Variants in CRACDL observed in about 807,000 individuals in gnomAD.
The protein encoded by CRACDL is CRACD like, also known as CRACD-like protein.
In CRACDL, 26 loss-of-function variants were observed where a neutral mutation model predicts 70.6. The ratio of observed to expected loss-of-function variants is 0.37; its 90% CI spans 0.27 to 0.51. The LOEUF (loss-of-function observed/expected upper bound fraction) is 0.51, where lower values mean the gene tolerates loss of function less well. CRACDL is among the 20% of genes least tolerant of loss of function. The pLI is 0.94. For synonymous variants in CRACDL, 618 were observed against 615.2 expected, an observed-to-expected ratio of 1.00 and a Z score of -0.07; for missense variants, 1,283 against 1,376.9, an observed-to-expected ratio of 0.93 and a Z score of 1.08.
intron 1 of CRACDL, among the ~76,000 whole-genome samples, chr2:98,878,390 C>T (rs1469261055): frequency 2.6e-5 from 4 of 152,176 alleles, no homozygotes; most frequent in African/African-American, 9.7e-5. Flanking sequence ...CAATTGCCTA[C>T]AGTGTTCAGT....
chr2:98,809,517 A>G (rs1704464361), intron 7 of CRACDL, among the ~76,000 whole-genome samples: 1 of 152,130 alleles, frequency 6.6e-6, no homozygotes, highest in South Asian at 2.1e-4. Context: ...GTCCCATGGA[A>G]GCCACCCTTG....
chr2:98,911,175 G>A (rs938538573), intron 1 of CRACDL, among the ~76,000 whole-genome samples: 1 of 152,202 alleles, frequency 6.6e-6, no homozygotes, highest in African/African-American at 2.4e-5. Flanking sequence ...TGGGCCTCAA[G>A]TATCTCGTCC....
At chr2:98,798,899 G>C (rs745383835) in intron 7 of CRACDL, among the ~76,000 whole-genome samples, 1 of 152,004 alleles carries the variant, frequency 6.6e-6, no homozygotes, top group South Asian at 2.1e-4. Context: ...GCCCAGGCTG[G>C]TCTCGAACTC....
At position 98,889,404 on chromosome 2, in the gene CRACDL, T is replaced by C. The variant is rs557705662; in HGVS notation, c.-10-42594A>G. Among the ~76,000 whole-genome samples, 8 of 151,966 alleles carry C rather than the reference T, an allele frequency of 5.3e-5. No homozygotes were observed. The East Asian group carries it at 1.5e-3, about 29-fold the overall frequency. Reference sequence around the variant, plus strand: ...CTAATAACAGAAAAAATATTGTCTGTTTAAGATAAAAATTACTACAGACAA... The same window carrying C: ...CTAATAACAGAAAAAATATTGTCTGCTTAAGATAAAAATTACTACAGACAA... On this transcript the variant is annotated intron_variant, in intron 1 of 9. Transcript: ENST00000397899.
chr2:98,840,487 T>A (rs984505886), intron 2 of CRACDL, among the ~76,000 whole-genome samples: 2 of 152,210 alleles, frequency 1.3e-5, no homozygotes, highest in African/African-American at 4.8e-5. Context: ...GTTCTACATA[T>A]GTCAATTAGA....
intron 5 of CRACDL, among the ~76,000 whole-genome samples, chr2:98,831,732 G>A (rs530112382): frequency 1.3e-5 from 2 of 152,290 alleles, no homozygotes; most frequent in South Asian, 2.1e-4. Context: ...GAAAGAGCTC[G>A]TGCTCTTTTC....
At chr2:98,882,218 A>G (rs555094188) in intron 1 of CRACDL, among the ~76,000 whole-genome samples, 34 of 152,326 alleles carry the variant, frequency 2.2e-4, no homozygotes, top group Non-Finnish European at 3.8e-4. Context: ...CAGCAGCTCT[A>G]CTCAGGGCAC....
rs569253960 is a variant in CRACDL at position 98,869,898 on chromosome 2, CA to C, written c.-10-23089del. Among the ~76,000 whole-genome samples the C allele has an allele frequency of 1.5e-4, 23 of 152,276 alleles. No homozygotes were observed. In the South Asian group the frequency reaches 4.6e-3, roughly 30 times the overall value. On this transcript the variant is annotated intron_variant, in intron 1 of 9. Coordinates refer to ENST00000397899, the MANE Select transcript of CRACDL (RefSeq NM_207362.3). ...TCCTTTACCAGGGACCTGCTTGCCC[CA>C]CTCATTGTTGCACTGATGGGATTTC... is the stretch of plus-strand genomic sequence containing the variant.
chr2:98,846,844 A>C, intron 1 of CRACDL, 34 bp from the exon 2 acceptor site: 3 of 1,564,844 alleles, frequency 1.9e-6, no homozygotes, highest in Non-Finnish European at 2.6e-6. Flanking sequence ...TTAAAGAAAC[A>C]TGGTTAGCAG....
At chr2:98,911,956 C>T (rs536139146) in intron 1 of CRACDL, among the ~76,000 whole-genome samples, 12 of 152,318 alleles carry the variant, frequency 7.9e-5, no homozygotes, top group African/African-American at 2.2e-4. Flanking sequence ...AATGCTGACA[C>T]GCTTGTGATT....
intron 1 of CRACDL, among the ~76,000 whole-genome samples, chr2:98,915,997 C>G (rs921150502): frequency 1.3e-5 from 2 of 152,154 alleles, no homozygotes; most frequent in African/African-American, 4.8e-5. Context: ...TGGGCCAGGC[C>G]TGAGGAACTG....
intron 7 of CRACDL, among the ~76,000 whole-genome samples, chr2:98,819,689 T>C (rs1704941186): frequency 6.6e-6 from 1 of 152,172 alleles, no homozygotes; most frequent in Non-Finnish European, 1.5e-5. Flanking sequence ...TTCACATTGT[T>C]TTGTATGAGC....
chr2:98,816,787 G>T (rs1163899371), intron 7 of CRACDL, among the ~76,000 whole-genome samples: 1 of 152,136 alleles, frequency 6.6e-6, no homozygotes, highest in Non-Finnish European at 1.5e-5. Flanking sequence ...GAAGGGAAGG[G>T]CAAGACAAAA....
At chr2:98,911,077 C>T (rs1558635912) in intron 1 of CRACDL, among the ~76,000 whole-genome samples, 1 of 152,200 alleles carries the variant, frequency 6.6e-6, no homozygotes, top group Admixed American at 6.5e-5. Flanking sequence ...GAGCAGCAGG[C>T]ACCTGGGTGA....
At chr2:98,809,604 T>C (rs1342644582) in intron 7 of CRACDL, 1 of 152,206 alleles carries the variant, frequency 6.6e-6, no homozygotes, top group East Asian at 1.9e-4. Context: ...GAAAGTGTTT[T>C]GCAAATCCGC....
At chr2:98,891,672 A>C (rs1464238722) in intron 1 of CRACDL, among the ~76,000 whole-genome samples, 1 of 152,138 alleles carries the variant, frequency 6.6e-6, no homozygotes, top group Non-Finnish European at 1.5e-5. Context: ...AGTTGAACAT[A>C]ATTTGGAAGG....
At chr2:98,881,486 G>A (rs1707649703) in intron 1 of CRACDL, among the ~76,000 whole-genome samples, 1 of 152,206 alleles carries the variant, frequency 6.6e-6, no homozygotes, top group African/African-American at 2.4e-5. Context: ...TGACACTCAG[G>A]TTATGCCTCA....
intron 1 of CRACDL, among the ~76,000 whole-genome samples, chr2:98,856,901 T>G (rs1209328918): frequency 6.6e-6 from 1 of 152,152 alleles, no homozygotes; most frequent in Non-Finnish European, 1.5e-5. Flanking sequence ...CAGTAAGATC[T>G]TCTCATGATT....
chr2:98,797,299 G>T, intron 8 of CRACDL, 51 bp downstream of exon 8: 1 of 1,565,412 alleles, frequency 6.4e-7, no homozygotes, highest in Non-Finnish European at 8.8e-7. Context: ...CCCAGTCCCA[G>T]CTGGCTGCTC....
Sources: allele counts gnomAD v4.1 joint callset (sites outside exome capture counted in the v4.1 genomes callset), GRCh38; gene constraint gnomAD v4.1.1; transcripts MANE v1.5; gene names NCBI Gene and HGNC (gene_info 2026-07-23, HGNC 2026-07-21).